The following MRTFB variants were observed in gnomAD, a reference collection of about 807,000 sequenced individuals.
MRTFB encodes the protein myocardin related transcription factor B, also known as myocardin-related transcription factor B.
In MRTFB, 29 loss-of-function variants were observed where a neutral mutation model predicts 104.2. The ratio of observed to expected loss-of-function variants is 0.28; its 90% CI spans 0.21 to 0.38. The LOEUF (loss-of-function observed/expected upper bound fraction) is 0.38, where lower values mean the gene tolerates loss of function less well. Ranked by LOEUF, MRTFB falls within the 10% of genes least tolerant of loss-of-function variation. MRTFB has a pLI of 1.00. For missense variants in MRTFB, 1,270 were observed against 1,341.6 expected, an observed-to-expected ratio of 0.95 and a Z score of 0.83; for synonymous variants, 535 against 519.5, an observed-to-expected ratio of 1.03 and a Z score of -0.41.
At chr16:14,223,171 G>A (rs577555776) in intron 8 of MRTFB, among the ~76,000 whole-genome samples, 17 of 152,134 alleles carry the variant, frequency 1.1e-4, no homozygotes, top group South Asian at 1.0e-3. Flanking sequence ...ATAGCTGGGC[G>A]TGGTAGTGCA....
intron 2 of MRTFB, among the ~76,000 whole-genome samples, chr16:14,091,912 TTGAAC>T (rs1332997651): frequency 6.7e-6 from 1 of 148,352 alleles, no homozygotes; most frequent in Non-Finnish European, 1.5e-5. Flanking sequence ...GAAGAATTGC[TTGAAC>T]CCGGGAGGCG....
chr16:14,229,813 T>C (rs2042177198), intron 8 of MRTFB, among the ~76,000 whole-genome samples: 1 of 152,174 alleles, frequency 6.6e-6, no homozygotes, highest in African/African-American at 2.4e-5. Flanking sequence ...TTGTATGGGT[T>C]TCTGATGAAA....
At chr16:14,228,349 G>C (rs1480639766) in intron 8 of MRTFB, among the ~76,000 whole-genome samples, 2 of 152,174 alleles carry the variant, frequency 1.3e-5, no homozygotes, top group African/African-American at 4.8e-5. Context: ...GGCCAAGTTG[G>C]GCGGATCACA....
chr16:14,222,277 C>A (rs1349268691), intron 8 of MRTFB, among the ~76,000 whole-genome samples: 2 of 152,150 alleles, frequency 1.3e-5, no homozygotes, highest in African/African-American at 2.4e-5. Flanking sequence ...ATTTATTACT[C>A]ATTTTGTGCT....
the MRTFB span, among the ~76,000 whole-genome samples, chr16:13,998,421 G>C: frequency 6.6e-6 from 1 of 152,122 alleles, no homozygotes; most frequent in Non-Finnish European, 1.5e-5. Context: ...TTGGGAGGCA[G>C]GAGAATCTCT....
At chr16:14,169,362 G>T (rs1229487663) in intron 3 of MRTFB, among the ~76,000 whole-genome samples, 1 of 152,070 alleles carries the variant, frequency 6.6e-6, no homozygotes, top group Non-Finnish European at 1.5e-5. Flanking sequence ...TGTATTCTGA[G>T]ATTATTGTCA....
At chr16:14,051,252 A>G in the MRTFB span, among the ~76,000 whole-genome samples, 2 of 152,042 alleles carry the variant, frequency 1.3e-5, no homozygotes, top group Non-Finnish European at 2.9e-5. Context: ...ACACGTACCC[A>G]TAGACATACA....
chr16:14,224,078 T>C (rs2041881427), intron 8 of MRTFB, among the ~76,000 whole-genome samples: 1 of 152,050 alleles, frequency 6.6e-6, no homozygotes, highest in East Asian at 1.9e-4. Flanking sequence ...TGTCTTCACA[T>C]GACAGCAGGA....
chr16:14,021,583 T>C, the MRTFB span, among the ~76,000 whole-genome samples: 2 of 152,148 alleles, frequency 1.3e-5, no homozygotes, highest in Non-Finnish European at 2.9e-5. Flanking sequence ...CTTCCCACCC[T>C]TTCCCTCTGA....
the MRTFB span, among the ~76,000 whole-genome samples, chr16:14,023,211 G>A: frequency 7.2e-5 from 11 of 152,180 alleles, no homozygotes; most frequent in African/African-American, 2.6e-4. Context: ...GGCCAAGGCA[G>A]GAGGTTGCTT....
chr16:14,067,865 T>C (rs2033539470), upstream of MRTFB, among the ~76,000 whole-genome samples: 1 of 152,178 alleles, frequency 6.6e-6, no homozygotes, highest in African/African-American at 2.4e-5. Flanking sequence ...AGAGTCTTGC[T>C]CTGTCACCCA....
intron 3 of MRTFB, among the ~76,000 whole-genome samples, 184 bp from the exon 4 acceptor site, chr16:14,210,059 T>A (rs1490238364): frequency 6.6e-6 from 1 of 152,236 alleles, no homozygotes; most frequent in East Asian, 1.9e-4. Flanking sequence ...TAGTGTTCAC[T>A]AAACAGGCAG....
the MRTFB span, among the ~76,000 whole-genome samples, chr16:14,040,101 C>T: frequency 6.6e-6 from 1 of 152,148 alleles, no homozygotes; most frequent in Non-Finnish European, 1.5e-5. Context: ...CTGTCCATTG[C>T]TTTAAATTAT....
chr16:14,006,014 C>T, the MRTFB span, among the ~76,000 whole-genome samples: 1 of 151,818 alleles, frequency 6.6e-6, no homozygotes, highest in South Asian at 2.1e-4. Context: ...TGGAGACCAT[C>T]CTGGCCAACA....
upstream of MRTFB, among the ~76,000 whole-genome samples, chr16:14,068,530 C>T (rs909507597): frequency 6.6e-6 from 1 of 152,100 alleles, no homozygotes; most frequent in Non-Finnish European, 1.5e-5. Context: ...TGGGGTGGAA[C>T]CAACCACTTG....
chr16:14,183,402 A>C (rs998826683), intron 3 of MRTFB, among the ~76,000 whole-genome samples: 1 of 152,198 alleles, frequency 6.6e-6, no homozygotes, highest in Non-Finnish European at 1.5e-5. Context: ...ACTCAATGTC[A>C]TATGTGATCC....
the MRTFB span, among the ~76,000 whole-genome samples, chr16:14,063,305 A>T: frequency 3.9e-5 from 6 of 152,164 alleles, no homozygotes; most frequent in Non-Finnish European, 7.3e-5. Flanking sequence ...GATGTCATTA[A>T]TTTTTTAAAA....
At chr16:14,091,824 G>A (rs575164282) in intron 2 of MRTFB, among the ~76,000 whole-genome samples, 6 of 151,712 alleles carry the variant, frequency 4.0e-5, no homozygotes, top group South Asian at 4.2e-4. Context: ...GTAAAACCCC[G>A]TCTCTACTAA....
At chr16:14,249,849 G>T (rs2043180528) in intron 13 of MRTFB, among the ~76,000 whole-genome samples, 1 of 152,232 alleles carries the variant, frequency 6.6e-6, no homozygotes, top group Non-Finnish European at 1.5e-5. Flanking sequence ...CAGGTAATGA[G>T]TTGTGCCTGT....
Sources: gnomAD v4.1 joint callset for allele counts (sites outside exome capture counted in the v4.1 genomes callset) on GRCh38, gnomAD v4.1.1 for gene constraint, MANE v1.5 for transcripts, NCBI Gene and HGNC (gene_info 2026-07-23, HGNC 2026-07-21) for gene names.